The following EP400 variants were observed in gnomAD, a reference collection of about 807,000 sequenced individuals.
The protein encoded by EP400 is E1A-binding protein p400.
A neutral mutation model predicts 354.1 loss-of-function variants in EP400; 105 were observed. The observed-to-expected ratio is 0.30, with a 90% CI of 0.25 to 0.35. EP400 has a LOEUF of 0.35. Among genes scored for constraint, EP400 ranks in the 10% least tolerant of loss-of-function variants. The pLI is 1.00. For synonymous variants in EP400, 1,646 were observed against 1,716.9 expected, an observed-to-expected ratio of 0.96 and a Z score of 1.02; for missense variants, 3,280 against 4,121.0, an observed-to-expected ratio of 0.80 and a Z score of 5.59.
At chr12:132,003,755 G>A (rs1893493187) in intron 12 of EP400, among the ~76,000 whole-genome samples, 1 of 152,184 alleles carries the variant, frequency 6.6e-6, no homozygotes, top group Non-Finnish European at 1.5e-5. Context: ...CACACCACCT[G>A]AATTCCACAG....
rs939174453 is a variant in EP400 at position 132,028,196 on chromosome 12, A to G, written c.5289A>G (p.Pro1763=). The change falls in exon 27 of 53, where the codon CCA becomes CCG. Residue 1763 remains proline, a synonymous_variant. Coordinates refer to ENST00000389561, the MANE Select transcript of EP400 (RefSeq NM_015409.5). The stretch of plus-strand genomic sequence containing the variant: ...GCCGTCGTGGGAAGGAGGCCGGGCC[A>G]GCGCACAGTTACACTTCATCCTCAG... The part of the protein sequence containing the change: ...LDGRRGKEAG[P]AHSYTSSSES... 3 of 1,614,058 alleles carry G rather than the reference A, an allele frequency of 1.9e-6. No individual in the cohort carries two copies. Among genetic ancestry groups the G allele is most frequent in the African/African-American group, 2.7e-5 (2 of 74,918 alleles).
rs73164912 is a variant in EP400 at position 132,077,581 on chromosome 12, G to T, written c.9280G>T (p.Ala3094Ser). 1 of 1,613,654 alleles carries T rather than the reference G, an allele frequency of 6.2e-7. No homozygotes were observed. Among genetic ancestry groups the T allele is most frequent in the South Asian group, 1.1e-5 (1 of 91,060 alleles). Reference protein sequence around the residue: ...PGAPNPAQVPASSDSPSQQPK... With the variant: ...PGAPNPAQVPSSSDSPSQQPK... ...CGCTCCCAACCCAGCCCAGGTGCCC[G>T]CCAGCTCCGACAGCCCAAGCCAGCA... The change falls in exon 53 of 53, where the codon GCC (alanine) becomes TCC (serine). Residue 3094 changes from alanine (A) to serine (S), a missense_variant. Ala to Ser is a moderately conservative substitution (Grantham distance 99). This residue lies in a region of EP400 where 279 missense variants were observed against 386.7 expected (regional missense o/e 0.72). Coordinates refer to ENST00000389561, the MANE Select transcript of EP400 (RefSeq NM_015409.5).
chr12:131,989,464 G>T (rs1272209280), intron 7 of EP400, among the ~76,000 whole-genome samples: 6 of 152,234 alleles, frequency 3.9e-5, no homozygotes, highest in Non-Finnish European at 5.9e-5. Context: ...GGCTCCAAAG[G>T]TTTTCTCATC....
intron 30 of EP400, among the ~76,000 whole-genome samples, chr12:132,036,671 C>G (rs1404463665): frequency 6.6e-6 from 1 of 152,212 alleles, no homozygotes; most frequent in Non-Finnish European, 1.5e-5. Context: ...TTTAGTGGTT[C>G]TCAGGGTGAT....
intron 3 of EP400, 126 bp downstream of exon 3, chr12:131,979,919 CT>C: frequency 1.4e-6 from 1 of 712,036 alleles, no homozygotes; most frequent in South Asian, 2.1e-5. Context: ...GAAAATTAAC[CT>C]GTCTTACAGT....
chr12:131,970,788 G>T (rs923279086), intron 2 of EP400, among the ~76,000 whole-genome samples: 1 of 152,192 alleles, frequency 6.6e-6, no homozygotes, highest in Non-Finnish European at 1.5e-5. Flanking sequence ...AAGCGATTTG[G>T]TATAAGGATA....
At position 131,978,657 on chromosome 12, in the gene EP400, C is replaced by T. The variant is rs113272426; in HGVS notation, c.1336-1037C>T. Among the ~76,000 whole-genome samples the T allele has an allele frequency of 3.3e-3, 497 of 152,122 alleles. 1 individual carries two copies. The highest frequency in any genetic ancestry group is 0.011 in the African/African-American group (469 of 41,520). Reference sequence around the variant, plus strand: ...AGTAGCTAGGACTACAGGCATGTGTCACCATGCCTGGCTAACATTTTAATT... The same window carrying T: ...AGTAGCTAGGACTACAGGCATGTGTTACCATGCCTGGCTAACATTTTAATT... On this transcript the variant is annotated intron_variant, in intron 2 of 52. Transcript: ENST00000389561.
chr12:132,066,394 G>A (rs1444228170), intron 48 of EP400: 1 of 189,054 alleles, frequency 5.3e-6, no homozygotes, highest in African/African-American at 2.4e-5. Flanking sequence ...TGAAGTGAGG[G>A]ACAGGCTGAT....
chr12:132,060,452 G>C (rs1209570223), intron 45 of EP400, among the ~76,000 whole-genome samples: 1 of 152,222 alleles, frequency 6.6e-6, no homozygotes, highest in Non-Finnish European at 1.5e-5. Flanking sequence ...CATAATGCTA[G>C]TGACCAAGAG....
At chr12:132,008,557 T>C (rs1393962877) in intron 15 of EP400, among the ~76,000 whole-genome samples, 2 of 152,028 alleles carry the variant, frequency 1.3e-5, no homozygotes, top group African/African-American at 4.8e-5. Context: ...ACTGTTACAA[T>C]AGTAAAATAT....
At chr12:132,072,485 T>A (rs1326324279) in intron 51 of EP400, among the ~76,000 whole-genome samples, 2 of 152,248 alleles carry the variant, frequency 1.3e-5, no homozygotes, top group Non-Finnish European at 2.9e-5. Context: ...CTTTTTATTA[T>A]TGACTTAAAA....
At chr12:131,999,215 A>T (rs1893324479) in intron 12 of EP400, among the ~76,000 whole-genome samples, 1 of 151,964 alleles carries the variant, frequency 6.6e-6, no homozygotes, top group Admixed American at 6.6e-5. Flanking sequence ...TGTTTTTCTC[A>T]GTTGTAAATG....
rs1218028424 is a variant in EP400 at position 132,080,310 on chromosome 12, C to T, written c.*2637C>T. 1 of 152,600 alleles carries T rather than the reference C, an allele frequency of 6.6e-6. No individual in the cohort carries two copies. The highest frequency in any genetic ancestry group is 2.1e-4 in the South Asian group (1 of 4,826). The allele number at this position is 152,600 out of a possible 1,614,324, so 9.5% of individuals were successfully genotyped here. On this transcript the variant is annotated 3_prime_UTR_variant, in exon 53 of 53. Transcript: ENST00000389561. ...ATTATTATTTTGTTAACTGTTGTAA[C>T]CAGTTAGCTGTTGTGTTTTAAGATA...
intron 12 of EP400, among the ~76,000 whole-genome samples, chr12:131,998,148 C>T (rs1893279574): frequency 6.6e-6 from 1 of 152,088 alleles, no homozygotes; most frequent in Admixed American, 6.6e-5. Flanking sequence ...CAAATTTGTA[C>T]CAGTCTGTAC....
At chr12:131,979,109 C>A (rs544694697) in intron 2 of EP400, among the ~76,000 whole-genome samples, 1 of 150,568 alleles carries the variant, frequency 6.6e-6, no homozygotes, top group Admixed American at 6.7e-5. Context: ...CCCAGCTACT[C>A]GGGAGGCTGA....
chr12:132,013,182 TGTGTGTTAC>T lies in EP400; in HGVS notation c.3611+6_3611+14del. 1.2e-6 allele frequency: 2 copies of T among 1,609,916 alleles called. No individual in the cohort carries two copies. Among genetic ancestry groups the T allele is most frequent in the Non-Finnish European group, 1.7e-6 (2 of 1,177,218 alleles). ...AAGCGGTTTTCACCCTGCAGAGGTC[TGTGTGTTAC>T]GCGCTTGTCATTGAGTGTTCTTTGC... is the stretch of plus-strand genomic sequence containing the variant. On this transcript the variant is annotated splice_donor_5th_base_variant and intron_variant, in intron 17 of 52. Coordinates refer to ENST00000389561, the MANE Select transcript of EP400 (RefSeq NM_015409.5). This position sits in a 1 kb window ranked among gnomAD's most constrained non-coding sequence, Gnocchi z 4.5.
Position 132,043,401 on chromosome 12 carries a change from A to G in EP400, c.6305A>G (p.Glu2102Gly). The G allele has an allele frequency of 1.2e-6, 2 of 1,613,796 alleles. No individual in the cohort carries two copies. The highest frequency in any genetic ancestry group is 1.7e-6 in the Non-Finnish European group (2 of 1,180,026). Residue 2102 changes from glutamate (E) to glycine (G), a missense_variant, in exon 33 of 53, where the codon GAG (glutamate) becomes GGG (glycine). This residue lies in a region of EP400 where 54 missense variants were observed against 41.3 expected (regional missense o/e 1.31). Transcript: ENST00000389561. ...ACTGATGCTCTGTCATCAGACTCTG[A>G]GAACATGCCGTGTGATGAAGAACCA... is the stretch of plus-strand genomic sequence containing the variant. ...PHTDALSSDS[E>G]NMPCDEEPSQ...
chr12:132,067,148 A>T lies in EP400; in HGVS notation c.8749+179A>T. 8.9e-7 allele frequency: 1 copy of T among 1,123,024 alleles called. No homozygotes were observed. Among genetic ancestry groups the T allele is most frequent in the South Asian group, 1.6e-5 (1 of 61,446 alleles). 69.6% of individuals were successfully genotyped at this position (1,123,024 alleles called of 1,614,324 possible). ...TTCCAGGCGCAAGGCTGGGTCCTCA[A>T]TTGAACTGTTAACATTCTGAAATTT... On this transcript the variant is annotated intron_variant, in intron 49 of 52. Coordinates refer to ENST00000389561, the MANE Select transcript of EP400 (RefSeq NM_015409.5). The surrounding 1 kb of genome is among the most constrained non-coding windows in gnomAD (Gnocchi z 5.3).
Position 132,027,985 on chromosome 12 carries a change from A to G in EP400, c.5110-32A>G. On this transcript the variant is annotated intron_variant, in intron 26 of 52. Transcript: ENST00000389561. This position sits in a 1 kb window ranked among gnomAD's most constrained non-coding sequence, Gnocchi z 4.9. ...ACAGGAACTTGTCATTCTGTTTCTC[A>G]AGTAACTGTTTTTCATCACTTTTTG... The G allele has an allele frequency of 6.2e-7, 1 of 1,602,142 alleles. No individual in the cohort carries two copies. Among genetic ancestry groups the G allele is most frequent in the Non-Finnish European group, 8.5e-7 (1 of 1,171,238 alleles).
Sources: allele counts gnomAD v4.1 joint callset (sites outside exome capture counted in the v4.1 genomes callset), GRCh38; gene constraint gnomAD v4.1.1; regional missense constraint gnomAD v4.1.1; non-coding constraint Gnocchi (gnomAD v3.1); transcripts MANE v1.5; gene names NCBI Gene and HGNC (gene_info 2026-07-23, HGNC 2026-07-21).